SORL1: variants seen among roughly 807,000 people sequenced by gnomAD.
SORL1 encodes the protein sortilin related receptor 1, also known as sortilin-related receptor.
A neutral mutation model predicts 273.7 loss-of-function variants in SORL1; 127 were observed. The ratio of observed to expected loss-of-function variants is 0.46; its 90% CI spans 0.40 to 0.54. The LOEUF (loss-of-function observed/expected upper bound fraction) is 0.54. SORL1 is among the 20% of genes least tolerant of loss of function. The probability of loss-of-function intolerance (pLI) is 0.00; values close to 1 mark genes in which losing one functional copy is unlikely to be tolerated. For missense variants in SORL1, 2,494 were observed against 2,846.1 expected, an observed-to-expected ratio of 0.88 and a Z score of 2.81; for synonymous variants, 1,031 against 1,067.4, an observed-to-expected ratio of 0.97 and a Z score of 0.66.
chr11:121,595,869 G>C lies in SORL1; in HGVS notation c.4519+97G>C. ...CATTTCTGGATCAGCACACGCCTGT[G>C]TGTGAGTCTGTGTACTTGCGTAACC... On this transcript the variant is annotated intron_variant, in intron 32 of 47. Coordinates refer to ENST00000260197, the MANE Select transcript of SORL1 (RefSeq NM_003105.6). The surrounding 1 kb of genome is among the most constrained non-coding windows in gnomAD (Gnocchi z 5.1). 1.5e-6 allele frequency: 2 copies of C among 1,309,232 alleles called. No homozygotes were observed. The highest frequency in any genetic ancestry group is 2.7e-5 in the South Asian group (2 of 73,778). 81.1% of individuals were successfully genotyped at this position (1,309,232 alleles called of 1,614,324 possible). A position where few individuals can be genotyped will look rare whatever the true frequency, so the allele number is the denominator to read the frequency against.
At chr11:121,544,101 G>T (rs1862388468) in intron 13 of SORL1, among the ~76,000 whole-genome samples, 1 of 152,038 alleles carries the variant, frequency 6.6e-6, no homozygotes, top group Admixed American at 6.5e-5. Context: ...GCGACACAGG[G>T]TCCTCTCAAA....
chr11:121,599,166 C>T (rs1863347308), intron 32 of SORL1, among the ~76,000 whole-genome samples: 1 of 152,030 alleles, frequency 6.6e-6, no homozygotes, highest in Non-Finnish European at 1.5e-5. Context: ...TATCTGGAAC[C>T]CAAGAACCAA....
At chr11:121,475,771 A>C (rs1177547562) in intron 2 of SORL1, among the ~76,000 whole-genome samples, 1 of 152,220 alleles carries the variant, frequency 6.6e-6, no homozygotes. Flanking sequence ...TATGACCCGG[A>C]GCTAGCCATT....
Position 121,567,117 on chromosome 11 carries a change from C to G in SORL1, c.3223+4C>G, listed in dbSNP as rs1396967071. 6.2e-7 allele frequency: 1 copy of G among 1,609,506 alleles called. No homozygotes were observed. The highest frequency in any genetic ancestry group is 8.5e-7 in the Non-Finnish European group (1 of 1,177,628). On this transcript the variant is annotated splice_donor_region_variant and intron_variant, in intron 22 of 47. Transcript: ENST00000260197. ...AACAATACCTGTGTCAAACAAGGTACTTCCCTTTTTCTTTTTTGCCTGTCA... is the reference window on the plus strand; with the variant it reads ...AACAATACCTGTGTCAAACAAGGTAGTTCCCTTTTTCTTTTTTGCCTGTCA...
chr11:121,498,875 C>A (rs1445411829), intron 6 of SORL1, among the ~76,000 whole-genome samples: 24 of 144,564 alleles, frequency 1.7e-4, no homozygotes, highest in South Asian at 2.2e-4. Context: ...GACTCTGTCT[C>A]AAAAAAAAAA....
Position 121,496,864 on chromosome 11 carries a change from G to C in SORL1, c.759-5G>C. On this transcript the variant is annotated splice_polypyrimidine_tract_variant and splice_region_variant and intron_variant, in intron 5 of 47. Coordinates refer to ENST00000260197, the MANE Select transcript of SORL1 (RefSeq NM_003105.6). ...GATAACAACCTTTTTTTTTTTTTCTGCCAGGGGAATTGATCCCTATGACAA... is the reference window on the plus strand; with the variant it reads ...GATAACAACCTTTTTTTTTTTTTCTCCCAGGGGAATTGATCCCTATGACAA... 1.3e-6 allele frequency: 2 copies of C among 1,533,922 alleles called. No individual in the cohort carries two copies. The highest frequency in any genetic ancestry group is 2.1e-5 in the Admixed American group (1 of 46,942).
intron 3 of SORL1, among the ~76,000 whole-genome samples, chr11:121,484,171 A>G (rs1445853855): frequency 1.3e-5 from 2 of 152,212 alleles, no homozygotes; most frequent in Admixed American, 1.3e-4. Flanking sequence ...GGTGTAAATG[A>G]ATAGTGTCCT....
At chr11:121,531,864 A>G (rs1238780633) in intron 11 of SORL1, among the ~76,000 whole-genome samples, 2 of 152,202 alleles carry the variant, frequency 1.3e-5, no homozygotes, top group African/African-American at 4.8e-5. Context: ...TTTGGGGGAA[A>G]TAATATCTAT....
chr11:121,504,142 G>A (rs1267218944), intron 6 of SORL1, among the ~76,000 whole-genome samples: 4 of 152,120 alleles, frequency 2.6e-5, no homozygotes, highest in African/African-American at 7.2e-5. Context: ...GGCTGGGCGC[G>A]GTGGCTCACG....
chr11:121,459,436 A>C (rs7950992), intron 1 of SORL1, among the ~76,000 whole-genome samples: 1,621 of 152,216 alleles, frequency 0.011, 30 homozygotes, highest in African/African-American at 0.037. Context: ...GCTGACTGCC[A>C]AGTTGAGTGT....
rs748981649 is a variant in SORL1 at position 121,577,303 on chromosome 11, C to A, written c.3483C>A (p.Asp1161Glu). 11 of 1,610,436 alleles carry A rather than the reference C, an allele frequency of 6.8e-6. No individual in the cohort carries two copies. Among genetic ancestry groups the A allele is most frequent in the Non-Finnish European group, 9.3e-6 (11 of 1,178,392 alleles). ...CAGAAATGCACCAGTGCCGGAGTGA[C>A]GAGTACAACTGCAGTTCCGGCATGT... is the stretch of plus-strand genomic sequence containing the variant. Reference protein sequence around the residue: ...SHCEMHQCRSDEYNCSSGMCI... With the variant: ...SHCEMHQCRSEEYNCSSGMCI... The change falls in exon 25 of 48, where the codon GAC becomes GAA. Residue 1161 changes from aspartate to glutamate, a missense_variant. Around this residue, in one of 3 missense-constraint regions of SORL1, gnomAD observed 1,609 missense variants for 1,816.4 expected, o/e 0.89. Transcript: ENST00000260197.
intron 6 of SORL1, among the ~76,000 whole-genome samples, chr11:121,501,291 A>G (rs1435217565): frequency 1.3e-5 from 2 of 152,342 alleles, no homozygotes; most frequent in East Asian, 3.9e-4. Context: ...TAGTTTATTC[A>G]TAAGGTTATA....
intron 25 of SORL1, among the ~76,000 whole-genome samples, chr11:121,578,255 G>T (rs1862966002): frequency 6.6e-6 from 1 of 152,166 alleles, no homozygotes; most frequent in South Asian, 2.1e-4. Context: ...GGTAAGGACA[G>T]ATCTGTTTTT....
intron 2 of SORL1, among the ~76,000 whole-genome samples, chr11:121,475,526 G>T (rs975397612): frequency 1.3e-5 from 2 of 152,212 alleles, no homozygotes; most frequent in African/African-American, 2.4e-5. Flanking sequence ...GATGGCAGCG[G>T]CATGGCTGAG....
At chr11:121,522,830 A>G in intron 10 of SORL1, 86 bp from the exon 11 acceptor site, 14 of 1,372,634 alleles carry the variant, frequency 1.0e-5, no homozygotes, top group African/African-American at 1.4e-5. Context: ...CTTAGTTGCT[A>G]GATACTACGC....
chr11:121,630,204 G>A lies in SORL1; in HGVS notation c.*641G>A, dbSNP rs898391902. On this transcript the variant is annotated 3_prime_UTR_variant, in exon 48 of 48. Transcript: ENST00000260197. ...TTTATTCACTTGTGTGTCATGTAAT[G>A]GTCTTTGGCAGGAGAGAGCACTGAG... 6.6e-6 allele frequency: 1 copy of A among 152,494 alleles called. No individual in the cohort carries two copies. The highest frequency in any genetic ancestry group is 2.4e-5 in the African/African-American group (1 of 41,440). 9.4% of individuals were successfully genotyped at this position (152,494 alleles called of 1,614,324 possible). A position where few individuals can be genotyped will look rare whatever the true frequency, so the allele number is the denominator to read the frequency against.
chr11:121,534,053 G>A (rs1426269194), intron 12 of SORL1, among the ~76,000 whole-genome samples: 4 of 152,196 alleles, frequency 2.6e-5, no homozygotes, highest in Admixed American at 6.5e-5. Flanking sequence ...GCCAGATGCT[G>A]TGTATCTGTA....
At chr11:121,532,604 A>G in intron 12 of SORL1, 52 bp downstream of exon 12, 1 of 1,443,608 alleles carries the variant, frequency 6.9e-7, no homozygotes, top group South Asian at 1.2e-5. Context: ...CCAGAAATTT[A>G]CGTCTGTGAT....
intron 25 of SORL1, among the ~76,000 whole-genome samples, chr11:121,578,360 T>C (rs1254066468): frequency 6.6e-6 from 1 of 152,248 alleles, no homozygotes; most frequent in East Asian, 1.9e-4. Flanking sequence ...ATTATTGGAC[T>C]TTTAAATCTC....
Sources: allele counts gnomAD v4.1 joint callset (sites outside exome capture counted in the v4.1 genomes callset), GRCh38; gene constraint gnomAD v4.1.1; regional missense constraint gnomAD v4.1.1; non-coding constraint Gnocchi (gnomAD v3.1); transcripts MANE v1.5; gene names NCBI Gene and HGNC (gene_info 2026-07-23, HGNC 2026-07-21).